Variants in REPIN1 observed in about 807,000 individuals in gnomAD.
REPIN1 encodes DNA-binding protein REPIN1.
In REPIN1, 4 loss-of-function variants were observed where a neutral mutation model predicts 5.7. The ratio of observed to expected loss-of-function variants is 0.71; its 90% CI spans 0.35 to 1.62. The LOEUF (loss-of-function observed/expected upper bound fraction) is 1.62. REPIN1 is among the 40% of genes most tolerant of loss of function. REPIN1 has a pLI of 0.05. For synonymous variants in REPIN1, 410 were observed against 386.2 expected (o/e 1.06, Z -0.72); for missense variants, 854 against 901.0 (o/e 0.95, Z 0.67).
chr7:150,370,027 G>A, intron 2 of REPIN1, 159 bp downstream of exon 2: 1 of 857,146 alleles, frequency 1.2e-6, no homozygotes, highest in Admixed American at 2.9e-5. Context: ...TCCCTGAGAA[G>A]AGAGAGTGCG....
chr7:150,369,438 C>T, intron 1 of REPIN1: 1 of 507,418 alleles, frequency 2.0e-6, no homozygotes, highest in Non-Finnish European at 3.6e-6. Flanking sequence ...CGTTCCGTGA[C>T]CTTACCAGGG....
In REPIN1 at chr7:150,371,635, G is replaced by C. The variant is rs1245009841; in HGVS notation, c.565G>C (p.Val189Leu). 1.2e-6 allele frequency: 2 copies of C among 1,605,242 alleles called. No individual in the cohort carries two copies. Among genetic ancestry groups the C allele is most frequent in the Non-Finnish European group, 1.7e-6 (2 of 1,179,254 alleles). The change falls in exon 3 of 3, where the codon GTT (valine) becomes CTT (leucine). Residue 189 changes from valine to leucine, a missense_variant. This residue lies in a region of REPIN1 where 409 missense variants were observed against 418.6 expected (regional missense o/e 0.98). Coordinates refer to ENST00000489432, the MANE Select transcript of REPIN1 (RefSeq NM_001099695.2). Reference protein sequence around the residue: ...GQSFRGWVALVLHLRAHSAAK... With the variant: ...GQSFRGWVALLLHLRAHSAAK... The stretch of plus-strand genomic sequence containing the variant: ...GAGCTTCCGAGGCTGGGTGGCCCTG[G>C]TTCTGCATCTGCGGGCCCATTCAGC...
chr7:150,370,656 T>A, intron 2 of REPIN1: 1 of 693,142 alleles, frequency 1.4e-6, no homozygotes, highest in Non-Finnish European at 2.6e-6. Context: ...CCTGGGAGTT[T>A]AAAGACCTGT....
At chr7:150,370,523 T>C in intron 2 of REPIN1, 1 of 540,034 alleles carries the variant, frequency 1.9e-6, no homozygotes, top group Non-Finnish European at 3.3e-6. Flanking sequence ...TCCAGCCTCC[T>C]ACGGAGACTG....
In REPIN1 at chr7:150,369,828, G is replaced by A. The variant is rs775040653; in HGVS notation, c.117G>A (p.Arg39=). Residue 39 remains arginine, a synonymous_variant, in exon 2 of 3, where the codon AGG becomes AGA. Coordinates refer to ENST00000489432, the MANE Select transcript of REPIN1 (RefSeq NM_001099695.2). ...RGSIPRNIPK[R]SWKKPHPQLC... is the part of the protein sequence containing the mutation. ...GTATCCCCAGGAACATCCCCAAGAG[G>A]AGCTGGAAAAAGCCTCATCCCCAGC... The A allele has an allele frequency of 1.9e-6, 3 of 1,612,366 alleles. No homozygotes were observed. Among genetic ancestry groups the A allele is most frequent in the Non-Finnish European group, 2.5e-6 (3 of 1,178,638 alleles).
At position 150,372,780 on chromosome 7, in the gene REPIN1, G is replaced by T. The variant is rs1375893632; in HGVS notation, c.1710G>T (p.Arg570=). ...ACCGGCGCATCCACACGGGCGAGCG[G>T]CCCTACGCCTGTCCCGACTGCGACC... The part of the protein sequence containing the change: ...VSHRRIHTGE[R]PYACPDCDRS... The change falls in exon 3 of 3, where the codon CGG becomes CGT. Residue 570 remains arginine (R), a synonymous_variant. Coordinates refer to ENST00000489432, the MANE Select transcript of REPIN1 (RefSeq NM_001099695.2). 6.2e-7 allele frequency: 1 copy of T among 1,612,076 alleles called. No individual in the cohort carries two copies. Among genetic ancestry groups the T allele is most frequent in the Admixed American group, 1.7e-5 (1 of 60,026 alleles).
Position 150,372,992 on chromosome 7 carries a change from G to A in REPIN1, c.*47G>A. The A allele has an allele frequency of 6.3e-7, 1 of 1,575,942 alleles. No individual in the cohort carries two copies. Among genetic ancestry groups the A allele is most frequent in the Non-Finnish European group, 8.6e-7 (1 of 1,159,830 alleles). On this transcript the variant is annotated 3_prime_UTR_variant, in exon 3 of 3. Coordinates refer to ENST00000489432, the MANE Select transcript of REPIN1 (RefSeq NM_001099695.2). ...GGCTGAGAGAGGGCTGGGGTCCTTC[G>A]TGGTGGGAGTCGCAGTGGGCTGGGG... is the stretch of plus-strand genomic sequence containing the variant.
At chr7:150,370,051 A>G (rs1799425098) in intron 2 of REPIN1, 183 bp downstream of exon 2, 1 of 703,898 alleles carries the variant, frequency 1.4e-6, no homozygotes, top group Admixed American at 3.0e-5. Context: ...TAGGGAATTT[A>G]GAAGGATGTG....
chr7:150,371,646 G>A lies in REPIN1; in HGVS notation c.576G>A (p.Leu192=), dbSNP rs765546845. The change falls in exon 3 of 3, where the codon CTG becomes CTA. Residue 192 remains leucine, a synonymous_variant. Coordinates refer to ENST00000489432, the MANE Select transcript of REPIN1 (RefSeq NM_001099695.2). The part of the protein sequence containing the change: ...FRGWVALVLH[L]RAHSAAKRPI... The stretch of plus-strand genomic sequence containing the variant: ...GCTGGGTGGCCCTGGTTCTGCATCT[G>A]CGGGCCCATTCAGCTGCAAAGCGGC... 4.5e-5 allele frequency: 72 copies of A among 1,604,992 alleles called. No individual in the cohort carries two copies. Among genetic ancestry groups the A allele is most frequent in the Non-Finnish European group, 5.8e-5 (68 of 1,179,334 alleles).
Position 150,371,921 on chromosome 7 carries a change from C to T in REPIN1, c.851C>T (p.Pro284Leu). The T allele has an allele frequency of 6.2e-7, 1 of 1,609,150 alleles. No homozygotes were observed. The highest frequency in any genetic ancestry group is 8.5e-7 in the Non-Finnish European group (1 of 1,179,280). ...CGCCCCGCGGTGACCGCCCCCCGGC[C>T]CGGTGGAGATGCCGTCGACCGCCCC... ...RGRPAVTAPR[P>L]GGDAVDRPFQ... Residue 284 changes from proline to leucine, a missense_variant, in exon 3 of 3, where the codon CCC becomes CTC. Coordinates refer to ENST00000489432, the MANE Select transcript of REPIN1 (RefSeq NM_001099695.2).
intron 2 of REPIN1, chr7:150,370,436 G>T (rs566248912): frequency 5.3e-6 from 2 of 378,852 alleles, no homozygotes; most frequent in Admixed American, 8.3e-5. Context: ...GGCAGGCGGT[G>T]GTCTGGCGTT....
At position 150,371,262 on chromosome 7, in the gene REPIN1, G is replaced by A. The variant is rs768093652; in HGVS notation, c.192G>A (p.Arg64=). The change falls in exon 3 of 3, where the codon AGG becomes AGA. Residue 64 remains arginine (R), a synonymous_variant. Coordinates refer to ENST00000489432, the MANE Select transcript of REPIN1 (RefSeq NM_001099695.2). ...EEEPMLERRC[R]GPLAMGLAQP... is the part of the protein sequence containing the mutation. ...AACCGATGCTGGAACGTCGTTGCAG[G>A]GGCCCCCTGGCCATGGGCCTGGCCC... 3.1e-6 allele frequency: 5 copies of A among 1,599,990 alleles called. No individual in the cohort carries two copies. The highest frequency in any genetic ancestry group is 1.7e-6 in the Non-Finnish European group (2 of 1,173,238).
At chr7:150,370,803 A>G (rs1799610220) in intron 2 of REPIN1, 1 of 702,402 alleles carries the variant, frequency 1.4e-6, no homozygotes, top group Non-Finnish European at 2.6e-6. Context: ...GTTGCTGTGC[A>G]GCTCGGATGT....
At position 150,371,485 on chromosome 7, in the gene REPIN1, C is replaced by T. The variant is rs367924981; in HGVS notation, c.415C>T (p.Arg139Trp). Residue 139 changes from arginine to tryptophan, a missense_variant, in exon 3 of 3, where the codon CGG becomes TGG. Around this residue, in one of 5 missense-constraint regions of REPIN1, gnomAD observed 409 missense variants for 418.6 expected, o/e 0.98. Coordinates refer to ENST00000489432, the MANE Select transcript of REPIN1 (RefSeq NM_001099695.2). ...LWLHTRRCQA[R>W]LPLPCPECGR... ...GCTTCACACCCGCCGGTGCCAGGCC[C>T]GGCTGCCCTTGCCCTGCCCTGAGTG... 67 of 1,606,996 alleles carry T rather than the reference C, an allele frequency of 4.2e-5. No homozygotes were observed. The highest frequency in any genetic ancestry group is 5.5e-5 in the Non-Finnish European group (65 of 1,179,640).
chr7:150,368,702 C>G (rs1010337323), upstream of REPIN1: 4 of 240,502 alleles, frequency 1.7e-5, no homozygotes, highest in African/African-American at 9.2e-5. Context: ...GCGCCCCGGC[C>G]CCGGCAGTCC....
chr7:150,371,528 A>G lies in REPIN1; in HGVS notation c.458A>G (p.His153Arg), dbSNP rs1327693492. ...PCPECGRRFR[H>R]APFLALHRQV... ...CCTGAGTGTGGCCGTCGCTTTCGCC[A>G]TGCCCCCTTCTTAGCACTGCACCGC... is the stretch of plus-strand genomic sequence containing the variant. Residue 153 changes from histidine to arginine, a missense_variant, in exon 3 of 3, where the codon CAT becomes CGT. Physicochemically the swap from His to Arg is conservative, Grantham distance 29. Around this residue, in one of 5 missense-constraint regions of REPIN1, gnomAD observed 409 missense variants for 418.6 expected, o/e 0.98. Transcript: ENST00000489432. 1.2e-6 allele frequency: 2 copies of G among 1,605,606 alleles called. No individual in the cohort carries two copies. Among genetic ancestry groups the G allele is most frequent in the East Asian group, 2.2e-5 (1 of 44,842 alleles).
chr7:150,369,272 C>A, intron 1 of REPIN1: 1 of 397,832 alleles, frequency 2.5e-6, no homozygotes, highest in Non-Finnish European at 4.6e-6. Context: ...GTGGTCACAC[C>A]AGCTGGCCCT....
Position 150,372,243 on chromosome 7 carries a change from C to T in REPIN1, c.1173C>T (p.Ala391=). The change falls in exon 3 of 3, where the codon GCC becomes GCT. Residue 391 remains alanine (A), a synonymous_variant. Coordinates refer to ENST00000489432, the MANE Select transcript of REPIN1 (RefSeq NM_001099695.2). The stretch of plus-strand genomic sequence containing the variant: ...GCCCGGGGAGCCCCCAGCTGCCAGC[C>T]GGCCCCCAGGAGTCCGCGGCCGAGC... The part of the protein sequence containing the change: ...APGPGSPQLP[A]GPQESAAEPT... The T allele has an allele frequency of 1.3e-6, 2 of 1,545,584 alleles. No individual in the cohort carries two copies. Among genetic ancestry groups the T allele is most frequent in the Non-Finnish European group, 1.7e-6 (2 of 1,150,804 alleles).
chr7:150,372,501 G>C lies in REPIN1; in HGVS notation c.1431G>C (p.Ala477=). The C allele has an allele frequency of 6.5e-7, 1 of 1,545,102 alleles. No individual in the cohort carries two copies. The highest frequency in any genetic ancestry group is 8.7e-7 in the Non-Finnish European group (1 of 1,151,490). The part of the protein sequence containing the change: ...KNFGKKTHLV[A]HSRVHSGERP... ...TCGGCAAGAAGACGCACCTGGTGGC[G>C]CACTCGCGCGTGCACTCCGGCGAGC... The change falls in exon 3 of 3, where the codon GCG becomes GCC. Residue 477 remains alanine, a synonymous_variant. Coordinates refer to ENST00000489432, the MANE Select transcript of REPIN1 (RefSeq NM_001099695.2).
Sources: gnomAD v4.1 joint callset for allele counts on GRCh38, gnomAD v4.1.1 for gene constraint, gnomAD v4.1.1 regional missense constraint, MANE v1.5 for transcripts, NCBI Gene and HGNC (gene_info 2026-07-23, HGNC 2026-07-21) for gene names.